The following GRM7 variants were observed in gnomAD, a reference collection of about 807,000 sequenced individuals.
The protein encoded by GRM7 is glutamate metabotropic receptor 7, also known as metabotropic glutamate receptor 7.
Under a neutral mutation model 84.5 loss-of-function variants are expected in GRM7, and 35 were observed. That is an observed-to-expected ratio of 0.41 (90% CI 0.32 to 0.55). GRM7 has a LOEUF of 0.55. Ranked by LOEUF, GRM7 falls within the 20% of genes least tolerant of loss-of-function variation. The pLI, the probability that GRM7 is intolerant of heterozygous loss-of-function variation, is 0.19. For missense variants in GRM7, 1,003 were observed against 1,194.6 expected (o/e 0.84, Z 2.36); for synonymous variants, 487 against 455.1 (o/e 1.07, Z -0.89).
chr3:6,888,553 G>C (rs575280960), intron 1 of GRM7, among the ~76,000 whole-genome samples: 2 of 151,962 alleles, frequency 1.3e-5, no homozygotes, highest in African/African-American at 4.8e-5. Context: ...GATATGCAGC[G>C]TTATTTCTGA....
intron 2 of GRM7, among the ~76,000 whole-genome samples, chr3:7,166,148 T>C (rs1694791377): frequency 6.6e-6 from 1 of 152,224 alleles, no homozygotes. Flanking sequence ...TAGTCTCTCC[T>C]CTTTGTACGG....
At chr3:6,897,388 G>A (rs954491677) in intron 1 of GRM7, among the ~76,000 whole-genome samples, 1 of 152,148 alleles carries the variant, frequency 6.6e-6, no homozygotes, top group Non-Finnish European at 1.5e-5. Context: ...TGCTCCAGGT[G>A]ACTTCAATGC....
chr3:7,265,323 A>G (rs924661735), intron 2 of GRM7, among the ~76,000 whole-genome samples: 1 of 152,246 alleles, frequency 6.6e-6, no homozygotes, highest in Non-Finnish European at 1.5e-5. Context: ...GAAAATGCAT[A>G]TAATGCCTAC....
At chr3:7,056,618 T>C (rs573161907) in intron 1 of GRM7, among the ~76,000 whole-genome samples, 8 of 152,040 alleles carry the variant, frequency 5.3e-5, no homozygotes, top group Non-Finnish European at 1.2e-4. Context: ...TCAGGTTTTG[T>C]AGCTACTACG....
At chr3:6,890,772 A>G (rs923397940) in intron 1 of GRM7, among the ~76,000 whole-genome samples, 2 of 151,664 alleles carry the variant, frequency 1.3e-5, no homozygotes, top group Non-Finnish European at 2.9e-5. Context: ...GCTGAGTTCA[A>G]TTCCTGGGTA....
At chr3:7,726,968 T>G (rs1039269380) in intron 9 of GRM7, among the ~76,000 whole-genome samples, 2 of 152,014 alleles carry the variant, frequency 1.3e-5, no homozygotes, top group African/African-American at 4.8e-5. Flanking sequence ...TTGTTTTGTC[T>G]TTTACAGCGT....
intron 1 of GRM7, among the ~76,000 whole-genome samples, chr3:6,864,589 T>A (rs1323216666): frequency 6.6e-6 from 1 of 152,196 alleles, no homozygotes; most frequent in Non-Finnish European, 1.5e-5. Context: ...TCCAAATGAT[T>A]GAATTTCTAG....
chr3:7,648,592 T>G (rs974636259), intron 8 of GRM7, among the ~76,000 whole-genome samples: 1 of 150,926 alleles, frequency 6.6e-6, no homozygotes, highest in African/African-American at 2.4e-5. Context: ...GAGGCTGCAG[T>G]GAGCTGAAAT....
chr3:7,024,734 G>A (rs1052059779), intron 1 of GRM7, among the ~76,000 whole-genome samples: 19 of 152,262 alleles, frequency 1.2e-4, no homozygotes, highest in South Asian at 4.1e-4. Flanking sequence ...TCATTTTCCC[G>A]TAACTCTAAA....
chr3:7,614,289 A>C (rs1696979821), intron 8 of GRM7, among the ~76,000 whole-genome samples: 2 of 151,836 alleles, frequency 1.3e-5, no homozygotes, highest in South Asian at 4.1e-4. Flanking sequence ...AATAAATTGT[A>C]ATATCCTGAT....
chr3:7,475,761 A>G (rs1029701924), intron 7 of GRM7, among the ~76,000 whole-genome samples: 2 of 152,218 alleles, frequency 1.3e-5, no homozygotes, highest in Non-Finnish European at 2.9e-5. Context: ...TTCACTGTCA[A>G]GCATCTTATT....
At chr3:7,330,749 T>C (rs1478929561) in intron 4 of GRM7, among the ~76,000 whole-genome samples, 1 of 152,218 alleles carries the variant, frequency 6.6e-6, no homozygotes, top group African/African-American at 2.4e-5. Context: ...AAAACTCTTT[T>C]TCTTTATAAA....
chr3:7,623,029 A>G (rs915208026), intron 8 of GRM7, among the ~76,000 whole-genome samples: 4 of 152,308 alleles, frequency 2.6e-5, no homozygotes, highest in South Asian at 2.1e-4. Context: ...GCCATGTGGC[A>G]GTCTTTCTTG....
intron 8 of GRM7, chr3:7,607,995 G>T: frequency 3.3e-6 from 1 of 299,982 alleles, no homozygotes; most frequent in South Asian, 2.8e-5. Context: ...TCTGTTTTCT[G>T]TTTCAGCATC....
At chr3:7,564,802 C>G (rs1481424789) in intron 7 of GRM7, among the ~76,000 whole-genome samples, 1 of 152,140 alleles carries the variant, frequency 6.6e-6, no homozygotes, top group Non-Finnish European at 1.5e-5. Context: ...GCCATACTTA[C>G]TAGAGGCGAT....
intron 2 of GRM7, among the ~76,000 whole-genome samples, chr3:7,275,459 T>C (rs1334978935): frequency 6.6e-6 from 1 of 152,026 alleles, no homozygotes; most frequent in Non-Finnish European, 1.5e-5. Flanking sequence ...AATCCTATGA[T>C]TATGTCTCAG....
intron 2 of GRM7, among the ~76,000 whole-genome samples, chr3:7,261,165 G>T (rs1251855372): frequency 6.6e-6 from 1 of 152,062 alleles, no homozygotes; most frequent in Non-Finnish European, 1.5e-5. Context: ...GGATCTCCCA[G>T]TACCTGCAGG....
At chr3:7,338,491 GAAATAA>G (rs1287012132) in intron 4 of GRM7, among the ~76,000 whole-genome samples, 2 of 151,774 alleles carry the variant, frequency 1.3e-5, no homozygotes, top group Non-Finnish European at 2.9e-5. Context: ...AGAAGCTATT[GAAATAA>G]AAATAAAATA....
chr3:7,369,844 A>G (rs1387602315), intron 4 of GRM7, among the ~76,000 whole-genome samples: 34 of 152,158 alleles, frequency 2.2e-4, no homozygotes, highest in Admixed American at 2.2e-3. Context: ...ACTTGGAGAA[A>G]TGTGGCAAAA....
Sources: allele counts gnomAD v4.1 joint callset (sites outside exome capture counted in the v4.1 genomes callset), GRCh38; gene constraint gnomAD v4.1.1; transcripts MANE v1.5; gene names NCBI Gene and HGNC (gene_info 2026-07-23, HGNC 2026-07-21).